Variants in RRM2 observed in about 807,000 individuals in gnomAD.
The protein encoded by RRM2 is ribonucleoside-diphosphate reductase subunit M2.
In RRM2, 6 loss-of-function variants were observed where a neutral mutation model predicts 45.9. The ratio of observed to expected loss-of-function variants is 0.13; its 90% CI spans 0.07 to 0.26. RRM2 has a LOEUF of 0.26. RRM2 is among the 10% of genes least tolerant of loss of function. The pLI is 1.00. For missense variants in RRM2, 343 were observed against 489.5 expected (o/e 0.70, Z 2.82); for synonymous variants, 177 against 173.0 (o/e 1.02, Z -0.18).
chr2:10,178,169 G>A (rs1218282797), intron 3 of RRM2, among the ~76,000 whole-genome samples: 4 of 149,596 alleles, frequency 2.7e-5, no homozygotes, highest in Non-Finnish European at 5.9e-5. Context: ...CTCGTGATCT[G>A]CCTGCCTCGG....
rs562873202 is a variant in RRM2, at chr2:10,210,602, C to T, written n.774C>T. On this transcript the variant is annotated non_coding_transcript_exon_variant, in exon 4 of 4. Transcript: ENST00000381786. ...AGACCCCCCAGGGCCCCATAGACAG[C>T]AGATCTGCTGCTTTCAATCACACCC... 5.1e-6 allele frequency: 7 copies of T among 1,363,608 alleles called. No individual in the cohort carries two copies. The South Asian group carries it at 6.8e-5, about 13-fold the overall frequency. The allele number at this position is 1,363,608 out of a possible 1,614,324, so 84.5% of individuals were successfully genotyped here.
downstream of RRM2, among the ~76,000 whole-genome samples, chr2:10,132,140 C>T (rs1160836226): frequency 3.9e-5 from 6 of 152,218 alleles, no homozygotes; most frequent in Admixed American, 6.5e-5. Flanking sequence ...TGACACCCAT[C>T]CCCAAACGAA....
rs999636218 is a variant in RRM2, at chr2:10,130,275, A to G, written c.*889A>G. 1 of 152,222 alleles carries G rather than the reference A, an allele frequency of 6.6e-6. No individual in the cohort carries two copies. The highest frequency in any genetic ancestry group is 2.4e-5 in the African/African-American group (1 of 41,454). The allele number at this position is 152,222 out of a possible 1,614,324, so 9.4% of individuals were successfully genotyped here. A position where few individuals can be genotyped will look rare whatever the true frequency, so the allele number is the denominator to read the frequency against. On this transcript the variant is annotated 3_prime_UTR_variant, in exon 10 of 10. Coordinates refer to ENST00000304567, the MANE Select transcript of RRM2 (RefSeq NM_001034.4). ...AGTTTTCATATGTGGGAGCTAAGGTAGTATTGTAAAATTTCAAGTCATCCT... is the reference window on the plus strand; with the variant it reads ...AGTTTTCATATGTGGGAGCTAAGGTGGTATTGTAAAATTTCAAGTCATCCT...
chr2:10,206,962 C>T (rs568169202), intron 3 of RRM2, among the ~76,000 whole-genome samples: 1 of 152,310 alleles, frequency 6.6e-6, no homozygotes, highest in East Asian at 1.9e-4. Flanking sequence ...TGCAAAGAGA[C>T]TCTCACTAAA....
At chr2:10,174,117 A>T (rs988340540) in intron 3 of RRM2, among the ~76,000 whole-genome samples, 5 of 152,156 alleles carry the variant, frequency 3.3e-5, no homozygotes, top group Admixed American at 2.6e-4. Flanking sequence ...AGAACCTGCC[A>T]CCTTCTCTCT....
At chr2:10,166,973 G>A (rs10183484) in intron 3 of RRM2, among the ~76,000 whole-genome samples, 110,740 of 152,168 alleles carry the variant, frequency 0.73, 40,622 homozygotes, top group East Asian at 1. Flanking sequence ...GGGACAGGCC[G>A]TGGTCACTTT....
At chr2:10,198,009 T>A (rs1417597993) in intron 3 of RRM2, among the ~76,000 whole-genome samples, 1 of 152,148 alleles carries the variant, frequency 6.6e-6, no homozygotes, top group Admixed American at 6.5e-5. Flanking sequence ...CCTAAGCACG[T>A]CCGCTCTGTC....
intron 3 of RRM2, among the ~76,000 whole-genome samples, chr2:10,153,667 A>G (rs764621274): frequency 6.6e-6 from 1 of 152,234 alleles, no homozygotes; most frequent in Non-Finnish European, 1.5e-5. Flanking sequence ...CAAGCCTCAC[A>G]GCGATTCTCT....
At chr2:10,150,083 G>C (rs1663274003) in intron 3 of RRM2, among the ~76,000 whole-genome samples, 1 of 152,172 alleles carries the variant, frequency 6.6e-6, no homozygotes, top group African/African-American at 2.4e-5. Flanking sequence ...GGAGGACGAG[G>C]CGGGTGGATT....
At position 10,171,256 on chromosome 2, in the gene RRM2, T is replaced by G. The variant is rs374641493; in HGVS notation, n.482+28881T>G. ...ACAGTCAGCTCTGCCCCCTGGGCTG[T>G]CAGGAGGATTAAATGAGATAAGACA... is the stretch of plus-strand genomic sequence containing the variant. On this transcript the variant is annotated intron_variant and non_coding_transcript_variant, in intron 3 of 3. Transcript: ENST00000381786. This position sits in a 1 kb window ranked among gnomAD's most constrained non-coding sequence, Gnocchi z 4.1. Among the ~76,000 whole-genome samples the G allele has an allele frequency of 1.6e-4, 24 of 152,332 alleles. No individual in the cohort carries two copies. Among genetic ancestry groups the G allele is most frequent in the African/African-American group, 5.8e-4 (24 of 41,572 alleles).
chr2:10,154,904 C>G (rs1007097032), intron 3 of RRM2, among the ~76,000 whole-genome samples: 13 of 151,932 alleles, frequency 8.6e-5, no homozygotes, highest in African/African-American at 2.7e-4. Context: ...CCATGTTGGC[C>G]AGGCTGGTCT....
At position 10,122,993 on chromosome 2, in the gene RRM2, T is replaced by C; in HGVS notation, c.110T>C (p.Leu37Pro). Residue 37 changes from leucine to proline, a missense_variant, in exon 2 of 10, where the codon CTG becomes CCG. This residue lies in a region of RRM2 where 131 missense variants were observed against 121.4 expected (regional missense o/e 1.08). Coordinates refer to ENST00000304567, the MANE Select transcript of RRM2 (RefSeq NM_001034.4). ...CGCGTCTCCCCGCAGCCGCCGGCCCTGAGCGGGACCCGCGTCCTGGCCAGC... is the reference window on the plus strand; with the variant it reads ...CGCGTCTCCCCGCAGCCGCCGGCCCCGAGCGGGACCCGCGTCCTGGCCAGC... The part of the protein sequence containing the change: ...LVDKENTPPA[L>P]SGTRVLASKT... 1.3e-6 allele frequency: 2 copies of C among 1,559,616 alleles called. No homozygotes were observed. Among genetic ancestry groups the C allele is most frequent in the Non-Finnish European group, 1.7e-6 (2 of 1,158,792 alleles).
At chr2:10,128,041 T>C (rs1407159747) in intron 7 of RRM2, among the ~76,000 whole-genome samples, 1 of 151,890 alleles carries the variant, frequency 6.6e-6, no homozygotes, top group African/African-American at 2.4e-5. Context: ...TGGACGTGCC[T>C]ATTGTCCCAG....
chr2:10,129,310 G>A lies in RRM2; in HGVS notation c.1094G>A (p.Arg365Lys). The A allele has an allele frequency of 6.2e-7, 1 of 1,614,182 alleles. No homozygotes were observed. Among genetic ancestry groups the A allele is most frequent in the Non-Finnish European group, 8.5e-7 (1 of 1,179,996 alleles). The part of the protein sequence containing the change: ...LEGKTNFFEK[R>K]VGEYQRMGVM... ...GGAAAGACTAACTTCTTTGAGAAGA[G>A]AGTAGGCGAGTATCAGAGGATGGGA... Residue 365 changes from arginine to lysine, a missense_variant, in exon 10 of 10, where the codon AGA (arginine) becomes AAA (lysine). This residue lies in a region of RRM2 where 212 missense variants were observed against 368.1 expected (regional missense o/e 0.58). Transcript: ENST00000304567. This position sits in a 1 kb window ranked among gnomAD's most constrained non-coding sequence, Gnocchi z 4.8.
chr2:10,166,486 G>A (rs1052972671), intron 3 of RRM2, among the ~76,000 whole-genome samples: 3 of 152,232 alleles, frequency 2.0e-5, no homozygotes, highest in Non-Finnish European at 2.9e-5. Flanking sequence ...CAGGGATACC[G>A]CGTGTGCTCC....
At chr2:10,123,920 T>C in intron 4 of RRM2, 68 bp downstream of exon 4, 1 of 893,946 alleles carries the variant, frequency 1.1e-6, no homozygotes, top group South Asian at 1.4e-5. Context: ...TTCGCTTTCC[T>C]CGTCTTGTAT....
chr2:10,126,657 T>C, intron 5 of RRM2: 1 of 561,538 alleles, frequency 1.8e-6, no homozygotes, highest in East Asian at 2.9e-5. Flanking sequence ...ATACCCAAAC[T>C]TGTATTAATG....
intron 3 of RRM2, among the ~76,000 whole-genome samples, chr2:10,199,761 C>T (rs1339462401): frequency 9.3e-6 from 1 of 108,054 alleles, no homozygotes; most frequent in Non-Finnish European, 1.7e-5. Context: ...GTCTGGGTGA[C>T]AGAGTGAGAC....
At chr2:10,137,950 C>T (rs1663019454), upstream of RRM2, among the ~76,000 whole-genome samples, 2 of 152,172 alleles carry the variant, frequency 1.3e-5, no homozygotes, top group Admixed American at 6.5e-5. Flanking sequence ...ACTTCCAGGT[C>T]CTGTTAGTGC....
Sources: allele counts gnomAD v4.1 joint callset (sites outside exome capture counted in the v4.1 genomes callset), GRCh38; gene constraint gnomAD v4.1.1; regional missense constraint gnomAD v4.1.1; non-coding constraint Gnocchi (gnomAD v3.1); transcripts MANE v1.5; gene names NCBI Gene and HGNC (gene_info 2026-07-23, HGNC 2026-07-21).